The following TRIM37 variants were observed in gnomAD, a reference collection of about 807,000 sequenced individuals.
The protein encoded by TRIM37 is E3 ubiquitin-protein ligase TRIM37.
In TRIM37, 80 loss-of-function variants were observed where a neutral mutation model predicts 129.8. That is an observed-to-expected ratio of 0.62 (90% CI 0.51 to 0.74). The LOEUF is 0.74. Among genes scored for constraint, TRIM37 ranks in the 30% least tolerant of loss-of-function variants. TRIM37 has a pLI of 0.00. For synonymous variants in TRIM37, 389 were observed against 387.1 expected (o/e 1.00, Z -0.06); for missense variants, 1,054 against 1,176.5 (o/e 0.90, Z 1.52).
At chr17:59,101,022 CAAA>C (rs35079890) in intron 2 of TRIM37, among the ~76,000 whole-genome samples, 7 of 105,264 alleles carry the variant, frequency 6.6e-5, no homozygotes, top group Admixed American at 1.1e-4. Flanking sequence ...AACGCCGTCT[CAAA>C]AAAAAAAAAA....
intron 3 of TRIM37, among the ~76,000 whole-genome samples, chr17:59,089,407 CCACA>C (rs2044074865): frequency 6.6e-6 from 1 of 152,128 alleles, no homozygotes; most frequent in Non-Finnish European, 1.5e-5. Flanking sequence ...GTTTGGGAGG[CCACA>C]GCGGGTGGAT....
intron 20 of TRIM37, among the ~76,000 whole-genome samples, chr17:59,016,334 C>T (rs1598908640): frequency 1.4e-5 from 2 of 140,634 alleles, no homozygotes; most frequent in African/African-American, 2.7e-5. Context: ...GCGGAGGTTG[C>T]GGTGAGCCGA....
chr17:58,969,368 G>A, the TRIM37 span: 1 of 727,138 alleles, frequency 1.4e-6, no homozygotes, highest in South Asian at 1.5e-5. Context: ...AATATTGCAG[G>A]TATTTCAGCA....
At chr17:59,089,703 C>G (rs996324945) in intron 3 of TRIM37, among the ~76,000 whole-genome samples, 2 of 152,178 alleles carry the variant, frequency 1.3e-5, no homozygotes, top group Non-Finnish European at 2.9e-5. Context: ...AAGTGATCGA[C>G]AGCCACACAC....
chr17:58,978,655 G>A (rs1316490651), downstream of TRIM37, among the ~76,000 whole-genome samples: 2 of 152,114 alleles, frequency 1.3e-5, no homozygotes, highest in Non-Finnish European at 2.9e-5. Context: ...AGGCTGCAGT[G>A]ACCCGAGATT....
At chr17:58,971,841 C>T in the TRIM37 span, among the ~76,000 whole-genome samples, 4 of 152,172 alleles carry the variant, frequency 2.6e-5, no homozygotes, top group African/African-American at 9.6e-5. Context: ...GTTACCTGCC[C>T]TTGGGCAAGT....
intron 2 of TRIM37, among the ~76,000 whole-genome samples, chr17:59,091,601 A>ATACAT (rs2044382867): frequency 1.4e-5 from 1 of 70,044 alleles, no homozygotes; most frequent in Admixed American, 1.4e-4. Flanking sequence ...TATACATTAT[A>ATACAT]TATATAATAT....
At chr17:59,081,370 T>TG in intron 5 of TRIM37, 151 bp from the exon 6 acceptor site, 4 of 1,080,154 alleles carry the variant, frequency 3.7e-6, no homozygotes, top group Non-Finnish European at 5.3e-6. Flanking sequence ...AGCAGGCCAG[T>TG]GCCCGCTTAA....
At chr17:59,041,726 G>T in intron 17 of TRIM37, 87 bp downstream of exon 17, 1 of 994,212 alleles carries the variant, frequency 1.0e-6, no homozygotes, top group Non-Finnish European at 1.6e-6. Flanking sequence ...TACAAGCAGT[G>T]GCTACCACCT....
intron 9 of TRIM37, among the ~76,000 whole-genome samples, chr17:59,064,918 G>A (rs1054435271): frequency 1.3e-5 from 2 of 152,012 alleles, no homozygotes; most frequent in African/African-American, 2.4e-5. Flanking sequence ...AAATGTGGTG[G>A]TGTGCGCCTG....
downstream of TRIM37, among the ~76,000 whole-genome samples, chr17:58,997,586 C>G (rs148316392): frequency 1.3e-3 from 194 of 152,200 alleles, 2 homozygotes; most frequent in Middle Eastern, 0.017. Flanking sequence ...ACAGACAACA[C>G]AAGCATTAAT....
intron 7 of TRIM37, among the ~76,000 whole-genome samples, chr17:59,079,077 A>G (rs1176828267): frequency 1.3e-5 from 2 of 152,004 alleles, no homozygotes; most frequent in Non-Finnish European, 2.9e-5. Context: ...TTCTTTGTTC[A>G]CACCTTATTT....
chr17:59,032,952 T>C (rs1831784530), intron 17 of TRIM37, among the ~76,000 whole-genome samples: 3 of 152,154 alleles, frequency 2.0e-5, no homozygotes, highest in Admixed American at 2.0e-4. Flanking sequence ...ATTACAGACA[T>C]CTGTAGGCAG....
At chr17:59,106,001 A>C (rs569227984) in intron 1 of TRIM37, among the ~76,000 whole-genome samples, 1 of 152,372 alleles carries the variant, frequency 6.6e-6, no homozygotes, top group South Asian at 2.1e-4. Flanking sequence ...ATGCTGATTC[A>C]ATCTAGGAAG....
rs571352576 is a variant in TRIM37, at chr17:59,095,459, A to C, written c.124-4119T>G. On this transcript the variant is annotated intron_variant, in intron 2 of 23. Coordinates refer to ENST00000262294, the MANE Select transcript of TRIM37 (RefSeq NM_015294.6). Reference sequence around the variant, plus strand: ...CCAAGTTAGAATGGGTTGAAGGGTAAGTAGATGGCAAGGTTGCAGGGAAAT... The same window carrying C: ...CCAAGTTAGAATGGGTTGAAGGGTACGTAGATGGCAAGGTTGCAGGGAAAT... Among the ~76,000 whole-genome samples the C allele has an allele frequency of 1.1e-4, 17 of 152,300 alleles. No individual in the cohort carries two copies. In the South Asian group the frequency reaches 3.5e-3, roughly 32 times the overall value.
chr17:59,079,171 A>G (rs948418977), intron 7 of TRIM37, among the ~76,000 whole-genome samples: 7 of 152,186 alleles, frequency 4.6e-5, no homozygotes, highest in Admixed American at 2.6e-4. Flanking sequence ...GACTAAGATC[A>G]CCAAAACAAA....
At chr17:59,076,880 T>G (rs2042854681) in intron 7 of TRIM37, among the ~76,000 whole-genome samples, 1 of 152,150 alleles carries the variant, frequency 6.6e-6, no homozygotes, top group South Asian at 2.1e-4. Flanking sequence ...CCTTTGCCTC[T>G]TGGGTTCAAG....
At chr17:59,000,288 A>G (rs1330939413) in intron 23 of TRIM37, among the ~76,000 whole-genome samples, 1 of 152,242 alleles carries the variant, frequency 6.6e-6, no homozygotes, top group Non-Finnish European at 1.5e-5. Flanking sequence ...AAAAAGCAGA[A>G]TAAAAAACTA....
At chr17:59,070,143 T>C (rs149641549) in intron 9 of TRIM37, among the ~76,000 whole-genome samples, 1,838 of 152,304 alleles carry the variant, frequency 0.012, 18 homozygotes, top group Middle Eastern at 0.041. Context: ...TTCCAACATC[T>C]AGTCAGAAAC....
Sources: allele counts gnomAD v4.1 joint callset (sites outside exome capture counted in the v4.1 genomes callset), GRCh38; gene constraint gnomAD v4.1.1; transcripts MANE v1.5; gene names NCBI Gene and HGNC (gene_info 2026-07-23, HGNC 2026-07-21).